The following TMEM232 variants were observed in gnomAD, a reference collection of about 807,000 sequenced individuals.
The protein encoded by TMEM232 is transmembrane protein 232.
TMEM232 carries 80 observed loss-of-function variants against 78.8 expected under a neutral mutation model. The ratio of observed to expected loss-of-function variants is 1.01; its 90% CI spans 0.85 to 1.22. The LOEUF (loss-of-function observed/expected upper bound fraction) is 1.22, where lower values mean the gene tolerates loss of function less well. Ranked by LOEUF, TMEM232 falls within the 50% of genes most tolerant of loss-of-function variation. The pLI, the probability that TMEM232 is intolerant of heterozygous loss-of-function variation, is 0.00. For missense variants in TMEM232, 881 were observed against 742.2 expected (o/e 1.19, Z -2.17); for synonymous variants, 297 against 254.3 (o/e 1.17, Z -1.60).
intron 12 of TMEM232, among the ~76,000 whole-genome samples, chr5:110,518,125 T>TA (rs748166415): frequency 2.5e-5 from 2 of 79,668 alleles, no homozygotes; most frequent in Non-Finnish European, 3.8e-5. Context: ...CTATGTCTAC[T>TA]CTCTCTCTCT....
intron 12 of TMEM232, among the ~76,000 whole-genome samples, chr5:110,520,050 T>TATATAGAGAGAGAGAG (rs374219408): frequency 1.4e-5 from 2 of 147,232 alleles, no homozygotes; most frequent in African/African-American, 5.0e-5. Context: ...TATATATATA[T>TATATAGAGAGAGAGAG]AGAGAGAGAG....
chr5:110,437,197 T>C (rs140604014), intron 12 of TMEM232, among the ~76,000 whole-genome samples: 184 of 152,216 alleles, frequency 1.2e-3, no homozygotes, highest in Non-Finnish European at 2.2e-3. Context: ...TTTAATTTTA[T>C]TTGTAGCTAT....
chr5:110,723,973 C>A (rs1451347003), intron 1 of TMEM232, among the ~76,000 whole-genome samples: 1 of 152,138 alleles, frequency 6.6e-6, no homozygotes, highest in Non-Finnish European at 1.5e-5. Flanking sequence ...TGATGGGACA[C>A]AAAGACAGAA....
intron 1 of TMEM232, among the ~76,000 whole-genome samples, chr5:110,693,297 C>G (rs1794364608): frequency 6.6e-6 from 1 of 152,132 alleles, no homozygotes; most frequent in South Asian, 2.1e-4. Context: ...ACCAAAAACC[C>G]ATCTGTACGT....
At chr5:110,644,577 A>T (rs1787203324) in intron 2 of TMEM232, among the ~76,000 whole-genome samples, 1 of 151,764 alleles carries the variant, frequency 6.6e-6, no homozygotes. Flanking sequence ...ACCAACCTAT[A>T]TACACACTTT....
intron 12 of TMEM232, among the ~76,000 whole-genome samples, chr5:110,518,943 A>T (rs963186343): frequency 3.3e-5 from 5 of 152,176 alleles, no homozygotes; most frequent in African/African-American, 1.2e-4. Flanking sequence ...GCATTGAAAA[A>T]AAAAACACAT....
chr5:110,557,247 G>A (rs756478104), intron 11 of TMEM232, among the ~76,000 whole-genome samples: 33 of 152,122 alleles, frequency 2.2e-4, no homozygotes, highest in Middle Eastern at 3.4e-3. Flanking sequence ...TTCTTAAAAC[G>A]GCTATTTCCT....
At chr5:110,463,524 T>A (rs887880665) in intron 12 of TMEM232, among the ~76,000 whole-genome samples, 23 of 152,206 alleles carry the variant, frequency 1.5e-4, no homozygotes, top group South Asian at 2.1e-4. Flanking sequence ...TATTTAGATG[T>A]TTATTAGATA....
At chr5:110,492,902 G>A (rs1447148453) in intron 12 of TMEM232, among the ~76,000 whole-genome samples, 1 of 151,960 alleles carries the variant, frequency 6.6e-6, no homozygotes, top group Non-Finnish European at 1.5e-5. Context: ...TATAATGTCA[G>A]GGATTTACCT....
chr5:110,437,534 T>C (rs1758570798), intron 12 of TMEM232, among the ~76,000 whole-genome samples: 3 of 152,138 alleles, frequency 2.0e-5, no homozygotes, highest in African/African-American at 7.2e-5. Flanking sequence ...GTTTCAGTAA[T>C]ACTTATTTCT....
chr5:110,625,185 T>C (rs1037850078), intron 7 of TMEM232, 82 bp downstream of exon 7: 9 of 1,338,672 alleles, frequency 6.7e-6, no homozygotes, highest in Non-Finnish European at 8.8e-6. Flanking sequence ...TCTACTGTAT[T>C]GATAAGCACC....
At chr5:110,547,993 A>G in intron 11 of TMEM232, among the ~76,000 whole-genome samples, 1 of 135,626 alleles carries the variant, frequency 7.4e-6, no homozygotes, top group Non-Finnish European at 1.5e-5. Flanking sequence ...GCTAGACTCC[A>G]TCTCCAAAAA....
At chr5:110,407,059 A>G (rs914585090) in intron 2 of TMEM232, among the ~76,000 whole-genome samples, 4 of 152,132 alleles carry the variant, frequency 2.6e-5, no homozygotes, top group Admixed American at 2.0e-4. Context: ...AAGGAAGACA[A>G]TAAGAAAGGG....
At chr5:110,485,780 G>A (rs369742558) in intron 12 of TMEM232, among the ~76,000 whole-genome samples, 23 of 152,040 alleles carry the variant, frequency 1.5e-4, no homozygotes, top group Admixed American at 5.3e-4. Context: ...ATAAATATGC[G>A]TGTGCAAGTA....
chr5:110,409,662 C>A (rs1755916483), intron 2 of TMEM232, among the ~76,000 whole-genome samples: 1 of 152,058 alleles, frequency 6.6e-6, no homozygotes, highest in Non-Finnish European at 1.5e-5. Flanking sequence ...ATTCCTGTTC[C>A]CCCATCTGTT....
At chr5:110,665,032 T>C (rs1053520072) in intron 2 of TMEM232, among the ~76,000 whole-genome samples, 6 of 152,150 alleles carry the variant, frequency 3.9e-5, no homozygotes, top group Non-Finnish European at 8.8e-5. Context: ...ATAATACACA[T>C]TGAGGTTGGG....
intron 10 of TMEM232, among the ~76,000 whole-genome samples, chr5:110,592,366 G>A (rs182464472): frequency 8.3e-4 from 126 of 152,132 alleles, no homozygotes; most frequent in African/African-American, 2.9e-3. Flanking sequence ...CAAAGCTTTG[G>A]TAAGAATTGA....
chr5:110,532,147 T>G (rs546058644), intron 11 of TMEM232, among the ~76,000 whole-genome samples: 1 of 152,068 alleles, frequency 6.6e-6, no homozygotes, highest in South Asian at 2.1e-4. Context: ...AGCCAAAGAA[T>G]AGCCGCAGCC....
At chr5:110,738,099 C>T (rs906673300), upstream of TMEM232, 3 of 524,186 alleles carry the variant, frequency 5.7e-6, no homozygotes, top group Middle Eastern at 3.7e-4. Context: ...TCTGGAAGAT[C>T]GAGAACTGCA....
Sources: allele counts gnomAD v4.1 joint callset (sites outside exome capture counted in the v4.1 genomes callset), GRCh38; gene constraint gnomAD v4.1.1; transcripts MANE v1.5; gene names NCBI Gene and HGNC (gene_info 2026-07-23, HGNC 2026-07-21).